The following PPP2R2A variants were observed in gnomAD, a reference collection of about 807,000 sequenced individuals.
PPP2R2A encodes serine/threonine-protein phosphatase 2A 55 kDa regulatory subunit B alpha isoform.
PPP2R2A carries 9 observed loss-of-function variants against 53.2 expected under a neutral mutation model. The ratio of observed to expected loss-of-function variants is 0.17; its 90% CI spans 0.10 to 0.30. PPP2R2A has a LOEUF of 0.30. Among genes scored for constraint, PPP2R2A ranks in the 10% least tolerant of loss-of-function variants. PPP2R2A has a pLI of 1.00. For missense variants in PPP2R2A, 235 were observed against 534.6 expected (o/e 0.44, Z 5.53); for synonymous variants, 169 against 174.2 (o/e 0.97, Z 0.23).
intron 4 of PPP2R2A, chr8:26,358,930 C>T (rs1262306253): frequency 6.6e-6 from 3 of 456,012 alleles, no homozygotes; most frequent in Admixed American, 4.7e-5. Context: ...TAGTGACTCA[C>T]TTCCAAAGAA....
intron 4 of PPP2R2A, among the ~76,000 whole-genome samples, chr8:26,355,170 T>C (rs1408759739): frequency 6.6e-6 from 1 of 152,168 alleles, no homozygotes; most frequent in Non-Finnish European, 1.5e-5. Flanking sequence ...GGAGAGCACT[T>C]TCTTACTTGA....
At chr8:26,298,831 A>G (rs974153375) in intron 2 of PPP2R2A, among the ~76,000 whole-genome samples, 1 of 152,248 alleles carries the variant, frequency 6.6e-6, no homozygotes, top group African/African-American at 2.4e-5. Flanking sequence ...TGAATTTAAC[A>G]AAATAGAAAG....
chr8:26,357,523 C>G (rs546523226), intron 4 of PPP2R2A, among the ~76,000 whole-genome samples: 19 of 152,196 alleles, frequency 1.2e-4, no homozygotes, highest in Middle Eastern at 3.4e-3. Context: ...AATTCTCTTT[C>G]TCTTTAATCT....
At chr8:26,364,505 A>AC (rs966809092) in intron 8 of PPP2R2A, among the ~76,000 whole-genome samples, 2 of 152,202 alleles carry the variant, frequency 1.3e-5, no homozygotes, top group Non-Finnish European at 2.9e-5. Context: ...ACAGCCTGGA[A>AC]CAGGGTGAGG....
intron 2 of PPP2R2A, among the ~76,000 whole-genome samples, chr8:26,313,048 T>C (rs1802366084): frequency 6.6e-6 from 1 of 151,644 alleles, no homozygotes; most frequent in Admixed American, 6.6e-5. Flanking sequence ...TTTTTCTTTT[T>C]TTTTTTTTGA....
At chr8:26,352,667 C>G (rs555670874) in intron 3 of PPP2R2A, among the ~76,000 whole-genome samples, 4 of 152,172 alleles carry the variant, frequency 2.6e-5, no homozygotes, top group Non-Finnish European at 5.9e-5. Flanking sequence ...CTGCCATATA[C>G]CTCTATGATT....
intron 2 of PPP2R2A, among the ~76,000 whole-genome samples, chr8:26,335,089 C>A (rs1230028075): frequency 1.3e-5 from 2 of 152,210 alleles, no homozygotes; most frequent in Admixed American, 1.3e-4. Context: ...CAGCACCAGG[C>A]AAGACCATAC....
At position 26,354,767 on chromosome 8, in the gene PPP2R2A, C is replaced by CT; in HGVS notation, c.346+135dup. The CT allele has an allele frequency of 1.2e-6, 1 of 859,634 alleles. No homozygotes were observed. The allele number at this position is 859,634 out of a possible 1,614,324, so 53.3% of individuals were successfully genotyped here. The stretch of plus-strand genomic sequence containing the variant: ...TGTTTTTCTATACAGAATGTAAACT[C>CT]TACTTTTTTACTGTCACTTGCAGTT... On this transcript the variant is annotated intron_variant, in intron 4 of 9. Transcript: ENST00000380737. This position sits in a 1 kb window ranked among gnomAD's most constrained non-coding sequence, Gnocchi z 4.6.
chr8:26,357,839 A>C (rs913911900), intron 4 of PPP2R2A, among the ~76,000 whole-genome samples: 1 of 152,072 alleles, frequency 6.6e-6, no homozygotes, highest in African/African-American at 2.4e-5. Flanking sequence ...GGAACACCAC[A>C]GTGTGGTCGT....
intron 3 of PPP2R2A, among the ~76,000 whole-genome samples, chr8:26,343,589 CT>C (rs1488608990): frequency 6.6e-6 from 1 of 152,074 alleles, no homozygotes; most frequent in Non-Finnish European, 1.5e-5. Context: ...CCAGGATGGT[CT>C]CGATCTCCTG....
chr8:26,353,148 T>C (rs952673868), intron 3 of PPP2R2A, among the ~76,000 whole-genome samples: 2 of 152,246 alleles, frequency 1.3e-5, no homozygotes, highest in African/African-American at 4.8e-5. Context: ...GGAGTATTTA[T>C]ATATGTTAAT....
chr8:26,335,905 G>T (rs905647633), intron 2 of PPP2R2A, among the ~76,000 whole-genome samples: 1 of 152,144 alleles, frequency 6.6e-6, no homozygotes, highest in African/African-American at 2.4e-5. Flanking sequence ...TAAAATAATT[G>T]TTCCTGCCAT....
At chr8:26,318,077 T>C (rs897484346) in intron 2 of PPP2R2A, among the ~76,000 whole-genome samples, 1 of 152,176 alleles carries the variant, frequency 6.6e-6, no homozygotes, top group Admixed American at 6.5e-5. Context: ...ATGTGGTTTT[T>C]TGGGTTCTGA....
At position 26,371,766 on chromosome 8, in the gene PPP2R2A, CAAAT is replaced by C. The variant is rs1805675897; in HGVS notation, c.*1357_*1360del. On this transcript the variant is annotated 3_prime_UTR_variant, in exon 10 of 10. Transcript: ENST00000380737. ...GCTTAATGAACTCCAACAGCTGCCT[CAAAT>C]AAAAATCTGTATATGAATACATTTT... 1 of 152,120 alleles carries C rather than the reference CAAAT, an allele frequency of 6.6e-6. No homozygotes were observed. Among genetic ancestry groups the C allele is most frequent in the South Asian group, 2.1e-4 (1 of 4,830 alleles). The allele number at this position is 152,120 out of a possible 1,614,324, so 9.4% of individuals were successfully genotyped here. A position where few individuals can be genotyped will look rare whatever the true frequency, so the allele number is the denominator to read the frequency against.
chr8:26,306,570 C>G (rs894812491), intron 2 of PPP2R2A, among the ~76,000 whole-genome samples: 17 of 151,466 alleles, frequency 1.1e-4, no homozygotes, highest in African/African-American at 4.1e-4. Context: ...CATACACAGA[C>G]TACATTTACA....
chr8:26,294,943 G>A (rs914213288), intron 2 of PPP2R2A, among the ~76,000 whole-genome samples: 8 of 152,200 alleles, frequency 5.3e-5, no homozygotes, highest in Non-Finnish European at 1.0e-4. Flanking sequence ...TGATGGTCAT[G>A]CACATAGTGT....
At chr8:26,293,281 A>C (rs769504291) in intron 1 of PPP2R2A, 17 of 1,533,516 alleles carry the variant, frequency 1.1e-5, no homozygotes, top group South Asian at 3.6e-5. Flanking sequence ...TCTATGTTTC[A>C]TGGTAGTTTA....
chr8:26,351,355 A>T (rs1041397201), intron 3 of PPP2R2A, among the ~76,000 whole-genome samples: 1 of 152,082 alleles, frequency 6.6e-6, no homozygotes, highest in Non-Finnish European at 1.5e-5. Context: ...AGTCAGCCTT[A>T]CTACCTTATA....
At chr8:26,295,099 T>C (rs1266324386) in intron 2 of PPP2R2A, among the ~76,000 whole-genome samples, 1 of 152,234 alleles carries the variant, frequency 6.6e-6, no homozygotes, top group East Asian at 1.9e-4. Flanking sequence ...TCATTAGTTC[T>C]GTGCAGTTGT....
Sources: allele counts gnomAD v4.1 joint callset (sites outside exome capture counted in the v4.1 genomes callset), GRCh38; gene constraint gnomAD v4.1.1; non-coding constraint Gnocchi (gnomAD v3.1); transcripts MANE v1.5; gene names NCBI Gene and HGNC (gene_info 2026-07-23, HGNC 2026-07-21).